The following UNC5C variants were observed in gnomAD, a reference collection of about 807,000 sequenced individuals.
The protein encoded by UNC5C is netrin receptor UNC5C.
UNC5C carries 47 observed loss-of-function variants against 99.8 expected under a neutral mutation model. The ratio of observed to expected loss-of-function variants is 0.47; its 90% CI spans 0.37 to 0.60. The LOEUF is 0.60. UNC5C is among the 20% of genes least tolerant of loss of function. UNC5C has a pLI of 0.00. For missense variants in UNC5C, 1,062 were observed against 1,165.9 expected, an observed-to-expected ratio of 0.91 and a Z score of 1.30; for synonymous variants, 487 against 452.2, an observed-to-expected ratio of 1.08 and a Z score of -0.98.
intron 2 of UNC5C, among the ~76,000 whole-genome samples, chr4:95,331,011 T>C (rs1012280454): frequency 3.3e-5 from 5 of 152,056 alleles, no homozygotes; most frequent in African/African-American, 1.2e-4. Context: ...CATTTCACAC[T>C]CAACATCCAC....
intron 12 of UNC5C, among the ~76,000 whole-genome samples, chr4:95,191,965 C>A (rs1737126880): frequency 7.0e-6 from 1 of 142,556 alleles, no homozygotes; most frequent in Admixed American, 6.9e-5. Context: ...CCTTCCTCCC[C>A]TGCTCACCTC....
chr4:95,251,193 G>A lies in UNC5C; in HGVS notation c.595-526C>T, dbSNP rs114925913. ...ATAAAATAACATTTGGATGGTTTAC[G>A]TGTAGCCTCACTGAAACGTATGGAT... On this transcript the variant is annotated intron_variant, in intron 4 of 15. Transcript: ENST00000453304. 5.4e-3 allele frequency among the ~76,000 whole-genome samples: 816 copies of A among 152,304 alleles called. 12 individuals are homozygous for A. Among genetic ancestry groups the A allele is most frequent in the African/African-American group, 0.018 (750 of 41,578 alleles).
At chr4:95,206,522 A>C in intron 11 of UNC5C, 106 bp downstream of exon 11, 1 of 1,522,224 alleles carries the variant, frequency 6.6e-7, no homozygotes, top group South Asian at 1.3e-5. Flanking sequence ...GGTGAGCTAA[A>C]ATTCCACTCA....
intron 12 of UNC5C, among the ~76,000 whole-genome samples, chr4:95,192,383 G>C (rs1737177215): frequency 1.3e-5 from 1 of 74,568 alleles, no homozygotes; most frequent in Non-Finnish European, 2.5e-5. Flanking sequence ...CTCCTCTCCT[G>C]CTCACCTCTT....
chr4:95,267,349 T>C (rs1740486806), intron 4 of UNC5C, among the ~76,000 whole-genome samples: 1 of 152,224 alleles, frequency 6.6e-6, no homozygotes, highest in Non-Finnish European at 1.5e-5. Context: ...ATGTATTTTC[T>C]GAGTTGTTCC....
intron 1 of UNC5C, among the ~76,000 whole-genome samples, chr4:95,541,823 A>G (rs1446067766): frequency 6.6e-6 from 1 of 152,178 alleles, no homozygotes; most frequent in East Asian, 1.9e-4. Context: ...GAACAGAAAT[A>G]AAAAGAGAGA....
At chr4:95,379,638 AAAG>A (rs1444740736) in intron 1 of UNC5C, among the ~76,000 whole-genome samples, 1 of 152,204 alleles carries the variant, frequency 6.6e-6, no homozygotes, top group Non-Finnish European at 1.5e-5. Flanking sequence ...CCGGTCAGAG[AAAG>A]AAGAAGCGCT....
chr4:95,196,752 A>G (rs1286844543), intron 12 of UNC5C, among the ~76,000 whole-genome samples: 1 of 39,802 alleles, frequency 2.5e-5, no homozygotes, highest in African/African-American at 9.1e-5. Context: ...TATGTAATAT[A>G]TAATATATAT....
chr4:95,341,488 G>A (rs1743576114), intron 1 of UNC5C, among the ~76,000 whole-genome samples: 1 of 125,692 alleles, frequency 8.0e-6, no homozygotes, highest in African/African-American at 2.9e-5. Context: ...GAGAGAGAAA[G>A]AAAGAAAGAA....
intron 10 of UNC5C, among the ~76,000 whole-genome samples, chr4:95,210,393 G>A (rs1206657960): frequency 6.6e-6 from 1 of 152,146 alleles, no homozygotes; most frequent in Non-Finnish European, 1.5e-5. Context: ...TATATGTAAG[G>A]AGTTACGCAG....
chr4:95,505,968 T>C (rs752542183), intron 1 of UNC5C, among the ~76,000 whole-genome samples: 1 of 152,028 alleles, frequency 6.6e-6, no homozygotes, highest in Non-Finnish European at 1.5e-5. Flanking sequence ...TTTTTTTTAT[T>C]GAAAGTGCTA....
At chr4:95,188,582 C>T (rs973381042) in intron 12 of UNC5C, among the ~76,000 whole-genome samples, 1 of 152,172 alleles carries the variant, frequency 6.6e-6, no homozygotes, top group Admixed American at 6.5e-5. Context: ...CCAGCAGATT[C>T]CACTTAAAAA....
intron 1 of UNC5C, among the ~76,000 whole-genome samples, chr4:95,509,185 C>A (rs72876474): frequency 5.3e-5 from 8 of 151,636 alleles, no homozygotes; most frequent in African/African-American, 1.9e-4. Context: ...AACTTTGAAG[C>A]CCAGAGAAAA....
At chr4:95,379,716 C>T (rs1453711169) in intron 1 of UNC5C, among the ~76,000 whole-genome samples, 1 of 152,166 alleles carries the variant, frequency 6.6e-6, no homozygotes, top group Admixed American at 6.5e-5. Flanking sequence ...GATTTAGTTT[C>T]ACATGACTTA....
chr4:95,375,771 G>A (rs780006663), intron 1 of UNC5C, among the ~76,000 whole-genome samples: 1 of 152,136 alleles, frequency 6.6e-6, no homozygotes, highest in Non-Finnish European at 1.5e-5. Context: ...TCTCATCCAA[G>A]AATAGTTTTA....
intron 1 of UNC5C, among the ~76,000 whole-genome samples, chr4:95,529,247 T>C (rs1336167897): frequency 6.7e-6 from 1 of 149,904 alleles, no homozygotes; most frequent in Non-Finnish European, 1.5e-5. Flanking sequence ...TAAACTGAAT[T>C]GTGATTTGAG....
rs75570563 is a variant in UNC5C, at chr4:95,480,571, G to A, written c.124+68163C>T. ...AAACAAAAAAGGAGCATATTAAGAT[G>A]ATCACAATGGAATTCGCTGCAACAG... On this transcript the variant is annotated intron_variant, in intron 1 of 15. Coordinates refer to ENST00000453304, the MANE Select transcript of UNC5C (RefSeq NM_003728.4). Among the ~76,000 whole-genome samples, 147 of 151,992 alleles carry A rather than the reference G, an allele frequency of 9.7e-4. 1 individual carries two copies. In the East Asian group the frequency reaches 0.022, roughly 23 times the overall value.
rs1260024385 is a variant in UNC5C at position 95,448,225 on chromosome 4, T to TGAGAGAGAGAGAGA, written c.124+100508_124+100509insTCTCTCTCTCTCTC. Among the ~76,000 whole-genome samples, 61 of 105,724 alleles carry TGAGAGAGAGAGAGA rather than the reference T, an allele frequency of 5.8e-4. 2 individuals are homozygous for TGAGAGAGAGAGAGA. The highest frequency in any genetic ancestry group is 9.8e-4 in the Admixed American group (10 of 10,156). The allele number at this position is 105,724 out of a possible 152,430, so 69.4% of individuals were successfully genotyped here. On this transcript the variant is annotated intron_variant, in intron 1 of 15. Transcript: ENST00000453304. ...CTGTGTGTGTGTGTGTGTGTGTGTG[T>TGAGAGAGAGAGAGA]GTGAGAGAGAGAGAGAGAGAGAGAG...
chr4:95,481,709 T>C (rs1435853807), intron 1 of UNC5C, among the ~76,000 whole-genome samples: 11 of 152,040 alleles, frequency 7.2e-5, no homozygotes, highest in Non-Finnish European at 2.9e-5. Context: ...ACGCCGCATA[T>C]CTACAGCTAT....
Sources: gnomAD v4.1 joint callset for allele counts (sites outside exome capture counted in the v4.1 genomes callset) on GRCh38, gnomAD v4.1.1 for gene constraint, MANE v1.5 for transcripts, NCBI Gene and HGNC (gene_info 2026-07-23, HGNC 2026-07-21) for gene names.